OR2AT4: variants seen among roughly 807,000 people sequenced by gnomAD.
OR2AT4 encodes the protein olfactory receptor 2AT4.
A neutral mutation model predicts 10.3 loss-of-function variants in OR2AT4; 6 were observed. The ratio of observed to expected loss-of-function variants is 0.58; its 90% CI spans 0.32 to 1.15. The LOEUF is 1.15. Ranked by LOEUF, OR2AT4 falls within the 50% of genes most tolerant of loss-of-function variation. OR2AT4 has a pLI of 0.05. For synonymous variants in OR2AT4, 145 were observed against 159.1 expected (o/e 0.91, Z 0.67); for missense variants, 354 against 393.8 (o/e 0.90, Z 0.85).
chr11:75,088,638 A>G (rs1284137425), exon 2 of OR2AT4: 1 of 1,063,964 alleles, frequency 9.4e-7, no homozygotes, highest in African/African-American at 1.6e-5. Context: ...TTATACAACA[A>G]CTTAAGATTC....
chr11:75,089,307 T>G (rs1949308947), exon 2 of OR2AT4: 3 of 1,614,038 alleles, frequency 1.9e-6, no homozygotes, highest in Non-Finnish European at 2.5e-6. Flanking sequence ...GACAGGGTAG[T>G]GCAGTGGGTG....
intron 1 of OR2AT4, among the ~76,000 whole-genome samples, chr11:75,092,820 G>C (rs1409494866): frequency 6.6e-6 from 1 of 151,796 alleles, no homozygotes; most frequent in Non-Finnish European, 1.5e-5. Context: ...AAAAAGATAA[G>C]GTCAGGTGCA....
chr11:75,085,560 C>G (rs759860759), exon 2 of OR2AT4: 19 of 152,168 alleles, frequency 1.2e-4, no homozygotes, highest in Non-Finnish European at 2.6e-4. Context: ...TACAAGAAAA[C>G]TACACTCTGG....
At chr11:75,082,751 CA>C (rs1362788490) in exon 2 of OR2AT4, 1 of 152,092 alleles carries the variant, frequency 6.6e-6, no homozygotes, top group Non-Finnish European at 1.5e-5. Context: ...AAGAAACTAT[CA>C]AAAGAGTAAA....
At chr11:75,094,601 T>C (rs1229110178) in intron 1 of OR2AT4, among the ~76,000 whole-genome samples, 1 of 151,860 alleles carries the variant, frequency 6.6e-6, no homozygotes, top group Admixed American at 6.6e-5. Context: ...ATTTTAAAAC[T>C]AGCCAAGTAC....
exon 2 of OR2AT4, chr11:75,086,430 A>G (rs896103421): frequency 1.3e-5 from 2 of 152,194 alleles, no homozygotes; most frequent in African/African-American, 4.8e-5. Context: ...TTGTATATCA[A>G]ATATCTAATA....
chr11:75,092,583 C>T (rs530578875), intron 1 of OR2AT4, among the ~76,000 whole-genome samples: 1 of 152,084 alleles, frequency 6.6e-6, no homozygotes, highest in Non-Finnish European at 1.5e-5. Context: ...TCTGCTACCC[C>T]CAATGTAGCT....
chr11:75,089,188 T>C (rs1949307395), exon 2 of OR2AT4: 1 of 1,614,168 alleles, frequency 6.2e-7, no homozygotes, highest in South Asian at 1.1e-5. Flanking sequence ...ATGTAGGCAA[T>C]GCTGTTATAT....
At position 75,089,028 on chromosome 11, in the gene OR2AT4, G is replaced by A. The variant is rs557211129; in HGVS notation, c.686C>T (p.Ser229Leu). Reference sequence around the variant, plus strand: ...TTCTAGGGAACTGATGCGAAGCACTGAGGCCAGGATGTGGACATAGGAGAG... The same window carrying A: ...TTCTAGGGAACTGATGCGAAGCACTAAGGCCAGGATGTGGACATAGGAGAG... The change falls in exon 2 of 2, where the codon TCA becomes TTA. Residue 229 changes from serine (S) to leucine (L), a missense_variant. Ser to Leu is a moderately radical substitution (Grantham distance 145). Coordinates refer to ENST00000641504, the Ensembl canonical transcript of OR2AT4. 2.5e-6 allele frequency: 4 copies of A among 1,614,156 alleles called. No homozygotes were observed. In the African/African-American group the frequency reaches 4.0e-5, roughly 16 times the overall value.
chr11:75,088,408 G>C (rs1380772135), exon 2 of OR2AT4: 1 of 170,718 alleles, frequency 5.9e-6, no homozygotes, highest in African/African-American at 2.4e-5. Flanking sequence ...TTATTTAAAG[G>C]CCACTGCATT....
chr11:75,095,677 C>CTTT (rs11314522), intron 1 of OR2AT4, among the ~76,000 whole-genome samples: 18 of 127,830 alleles, frequency 1.4e-4, no homozygotes, highest in South Asian at 2.5e-4. Flanking sequence ...CACCTAACCT[C>CTTT]TTTTTTTTTT....
At chr11:75,089,522 C>T (rs1949311509) in exon 2 of OR2AT4, 2 of 1,614,134 alleles carry the variant, frequency 1.2e-6, no homozygotes, top group Non-Finnish European at 8.5e-7. Flanking sequence ...GAAAGAAGTA[C>T]ATGGGCTTGT....
exon 2 of OR2AT4, chr11:75,088,899 G>A: frequency 6.2e-7 from 1 of 1,614,054 alleles, no homozygotes; most frequent in Non-Finnish European, 8.5e-7. Context: ...GAAGTCAAGG[G>A]GCAGGTCAGC....
chr11:75,090,490 T>A (rs1397390492), intron 1 of OR2AT4, 126 bp from the exon 2 acceptor site: 3 of 152,232 alleles, frequency 2.0e-5, no homozygotes, highest in African/African-American at 7.2e-5. Context: ...AAGGATGAGA[T>A]GAAGGCAAAC....
exon 2 of OR2AT4, chr11:75,089,603 G>A (rs763513500): frequency 6.2e-7 from 1 of 1,614,084 alleles, no homozygotes; most frequent in Non-Finnish European, 8.5e-7. Context: ...GGTAGAAGAG[G>A]AGGAAAATAA....
intron 1 of OR2AT4, among the ~76,000 whole-genome samples, chr11:75,091,693 G>A (rs1052957168): frequency 6.6e-6 from 1 of 152,172 alleles, no homozygotes; most frequent in Non-Finnish European, 1.5e-5. Flanking sequence ...GATATTAAGT[G>A]ACAGGCAAAA....
chr11:75,083,668 T>C (rs1949276340), exon 2 of OR2AT4: 1 of 151,988 alleles, frequency 6.6e-6, no homozygotes, highest in Non-Finnish European at 1.5e-5. Context: ...GTGGGCTGGG[T>C]AAAGAAAATT....
chr11:75,088,499 TATGA>T, exon 2 of OR2AT4: 1 of 313,156 alleles, frequency 3.2e-6, no homozygotes, highest in Non-Finnish European at 5.8e-6. Flanking sequence ...CTTTGTATAA[TATGA>T]ATATTTGCCT....
chr11:75,089,115 T>A (rs1949306234), exon 2 of OR2AT4: 1 of 1,613,880 alleles, frequency 6.2e-7, no homozygotes, highest in Middle Eastern at 1.6e-4. Flanking sequence ...CATGAGGGTC[T>A]GGGGGGTGGT....
Sources: allele counts gnomAD v4.1 joint callset (sites outside exome capture counted in the v4.1 genomes callset), GRCh38; gene constraint gnomAD v4.1.1; transcripts MANE v1.5; gene names NCBI Gene and HGNC (gene_info 2026-07-23, HGNC 2026-07-21).